ELP2: variants seen among roughly 807,000 people sequenced by gnomAD.
ELP2 encodes elongator acetyltransferase complex subunit 2, also known as elongator complex protein 2.
ELP2 carries 90 observed loss-of-function variants against 119.2 expected under a neutral mutation model. That is an observed-to-expected ratio of 0.75 (90% confidence interval 0.64 to 0.90). ELP2 has a LOEUF of 0.90. Ranked by LOEUF, ELP2 falls within the 40% of genes least tolerant of loss-of-function variation. ELP2 has a pLI of 0.00. For missense variants in ELP2, 921 were observed against 967.8 expected, an observed-to-expected ratio of 0.95 and a Z score of 0.64; for synonymous variants, 339 against 331.0, an observed-to-expected ratio of 1.02 and a Z score of -0.26.
intron 7 of ELP2, 51 bp downstream of exon 7, chr18:36,142,398 A>G (rs2090062837): frequency 7.0e-7 from 1 of 1,423,344 alleles, no homozygotes; most frequent in African/African-American, 1.4e-5. Flanking sequence ...AATATGTGTT[A>G]CTTCCAAGAA....
chr18:36,136,579 T>A lies in ELP2; in HGVS notation c.288+202T>A, dbSNP rs1347176358. ...GTTTGTTTGTTTGTTTTTGTAGAGA[T>A]GGGGTCTTACTTTGTTGCCCAGGCT... On this transcript the variant is annotated intron_variant, in intron 3 of 21. Coordinates refer to ENST00000358232, the MANE Select transcript of ELP2 (RefSeq NM_018255.4). 5.1e-6 allele frequency: 3 copies of A among 583,154 alleles called. No homozygotes were observed. In the African/African-American group the frequency reaches 5.6e-5, roughly 11 times the overall value. The allele number at this position is 583,154 out of a possible 1,614,324, so 36.1% of individuals were successfully genotyped here. A position where few individuals can be genotyped will look rare whatever the true frequency, so the allele number is the denominator to read the frequency against.
At chr18:36,142,077 A>T (rs986194265) in intron 6 of ELP2, among the ~76,000 whole-genome samples, 1 of 152,174 alleles carries the variant, frequency 6.6e-6, no homozygotes, top group Non-Finnish European at 1.5e-5. Flanking sequence ...ATATTATATT[A>T]TCTACTCAGA....
chr18:36,147,754 G>A (rs1389290628), intron 11 of ELP2, among the ~76,000 whole-genome samples: 1 of 152,148 alleles, frequency 6.6e-6, no homozygotes, highest in African/African-American at 2.4e-5. Context: ...GCTTAAATGA[G>A]TTAACATTTA....
chr18:36,130,678 T>C lies in ELP2; in HGVS notation c.138+607T>C, dbSNP rs78808602. 6.6e-3 allele frequency among the ~76,000 whole-genome samples: 998 copies of C among 152,336 alleles called. 17 individuals are homozygous for C. Among genetic ancestry groups the C allele is most frequent in the African/African-American group, 0.023 (944 of 41,560 alleles). ...TTTTCTTGGTGCTTTCCTCACCATA[T>C]TTCTCAAGTGAATAGTTTTTGCATG... On this transcript the variant is annotated intron_variant, in intron 1 of 21. Coordinates refer to ENST00000358232, the MANE Select transcript of ELP2 (RefSeq NM_018255.4).
Position 36,154,935 on chromosome 18 carries a change from T to A in ELP2, c.1211T>A (p.Ile404Asn). 6.2e-7 allele frequency: 1 copy of A among 1,614,054 alleles called. No individual in the cohort carries two copies. ...LVWDPEGEFIITVGTDQTTRL... is the reference protein window; with the variant it reads ...LVWDPEGEFINTVGTDQTTRL... ...TGGGATCCAGAAGGAGAATTTATTATCACTGTTGGTACTGATCAGACAACT... is the reference window on the plus strand; with the variant it reads ...TGGGATCCAGAAGGAGAATTTATTAACACTGTTGGTACTGATCAGACAACT... Residue 404 changes from isoleucine (I) to asparagine (N), a missense_variant, in exon 12 of 22, where the codon ATC (isoleucine) becomes AAC (asparagine). Coordinates refer to ENST00000358232, the MANE Select transcript of ELP2 (RefSeq NM_018255.4).
rs894850798 is a variant in ELP2, at chr18:36,177,142, G to T, written c.*2501G>T. ...AAATACATAAAAAATATGATGGGTG[G>T]AGTGACGGACACATGGACAGATATG... On this transcript the variant is annotated 3_prime_UTR_variant, in exon 22 of 22. Transcript: ENST00000358232. 1.3e-5 allele frequency: 2 copies of T among 152,090 alleles called. No homozygotes were observed. Among genetic ancestry groups the T allele is most frequent in the Non-Finnish European group, 2.9e-5 (2 of 68,018 alleles). 9.4% of individuals were successfully genotyped at this position (152,090 alleles called of 1,614,324 possible). A position where few individuals can be genotyped will look rare whatever the true frequency, so the allele number is the denominator to read the frequency against.
chr18:36,174,794 T>C lies in ELP2; in HGVS notation c.*153T>C, dbSNP rs1359236554. ...TTGTCACAACCTCCACCTCCCAGGT[T>C]CAAGCGATTCTCTTTCTTCAGCCTC... is the stretch of plus-strand genomic sequence containing the variant. On this transcript the variant is annotated 3_prime_UTR_variant, in exon 22 of 22. Coordinates refer to ENST00000358232, the MANE Select transcript of ELP2 (RefSeq NM_018255.4). 1 of 687,984 alleles carries C rather than the reference T, an allele frequency of 1.5e-6. No homozygotes were observed. Among genetic ancestry groups the C allele is most frequent in the African/African-American group, 1.8e-5 (1 of 55,370 alleles). The allele number at this position is 687,984 out of a possible 1,614,324, so 42.6% of individuals were successfully genotyped here.
Position 36,163,388 on chromosome 18 carries a change from T to TA in ELP2, c.1762-1086dup, listed in dbSNP as rs754511222. 3.9e-4 allele frequency among the ~76,000 whole-genome samples: 60 copies of TA among 152,110 alleles called. 1 individual carries two copies. The Middle Eastern group carries it at 0.034, about 86-fold the overall frequency. ...TGGATACAACTTTATCACATGTGCTTATGTAGATATTTTTTCTCAGTGGCT... is the reference window on the plus strand; with the variant it reads ...TGGATACAACTTTATCACATGTGCTTAATGTAGATATTTTTTCTCAGTGGCT... On this transcript the variant is annotated intron_variant, in intron 17 of 21. Transcript: ENST00000358232.
chr18:36,145,197 A>C (rs1045885802), intron 9 of ELP2, 163 bp downstream of exon 9: 11 of 649,750 alleles, frequency 1.7e-5, no homozygotes, highest in South Asian at 4.9e-5. Flanking sequence ...TCTGCTGGAC[A>C]CTCAGTTCCA....
At chr18:36,156,343 C>A in intron 12 of ELP2, 123 bp from the exon 13 acceptor site, 2 of 954,240 alleles carry the variant, frequency 2.1e-6, no homozygotes, top group Non-Finnish European at 3.3e-6. Context: ...GTGGTTTATT[C>A]ATGGATGAAT....
At position 36,177,802 on chromosome 18, in the gene ELP2, A is replaced by C. The variant is rs753194412; in HGVS notation, c.*3161A>C. ...GGTGTTCTTTATTGCAGGAATTCTAAGAGCATTTAACAAATTAATTTACAC... is the reference window on the plus strand; with the variant it reads ...GGTGTTCTTTATTGCAGGAATTCTACGAGCATTTAACAAATTAATTTACAC... On this transcript the variant is annotated 3_prime_UTR_variant, in exon 22 of 22. Coordinates refer to ENST00000358232, the MANE Select transcript of ELP2 (RefSeq NM_018255.4). 6.6e-6 allele frequency: 1 copy of C among 152,212 alleles called. No homozygotes were observed. Among genetic ancestry groups the C allele is most frequent in the Non-Finnish European group, 1.5e-5 (1 of 68,032 alleles). The allele number at this position is 152,212 out of a possible 1,614,324, so 9.4% of individuals were successfully genotyped here.
At position 36,179,948 on chromosome 18, in the gene ELP2, G is replaced by A. The variant is rs2091300131; in HGVS notation, c.*5307G>A. ...CTCTAAAAGTGGAGATGAGATTAGT[G>A]TATGAGTCTGGCTTCCATTCAACTG... is the stretch of plus-strand genomic sequence containing the variant. On this transcript the variant is annotated 3_prime_UTR_variant, in exon 22 of 22. Transcript: ENST00000358232. 6.6e-6 allele frequency: 1 copy of A among 152,154 alleles called. No individual in the cohort carries two copies. 9.4% of individuals were successfully genotyped at this position (152,154 alleles called of 1,614,324 possible). A position where few individuals can be genotyped will look rare whatever the true frequency, so the allele number is the denominator to read the frequency against.
At chr18:36,160,529 G>C (rs1395783593) in intron 16 of ELP2, among the ~76,000 whole-genome samples, 1 of 150,162 alleles carries the variant, frequency 6.7e-6, no homozygotes, top group African/African-American at 2.5e-5. Context: ...AGTGAGCCAT[G>C]ATTGCACCAC....
chr18:36,142,601 TTAG>T (rs2090067900), intron 7 of ELP2, among the ~76,000 whole-genome samples: 2 of 152,194 alleles, frequency 1.3e-5, no homozygotes, highest in Admixed American at 6.5e-5. Context: ...TTTGTAGAAC[TTAG>T]TAGACTATAT....
chr18:36,136,325 T>C lies in ELP2; in HGVS notation c.236T>C (p.Val79Ala). The change falls in exon 3 of 22, where the codon GTT becomes GCT. Residue 79 changes from valine to alanine, a missense_variant. Physicochemically the swap from Val to Ala is moderately conservative, Grantham distance 64. Transcript: ENST00000358232. ...TTTTCAGCCCCTTCTACTGAATTAGTTTCTGGAGGATCTGATAATCAAGTG... is the reference window on the plus strand; with the variant it reads ...TTTTCAGCCCCTTCTACTGAATTAGCTTCTGGAGGATCTGATAATCAAGTG... Reference protein sequence around the residue: ...KQDGSPSTELVSGGSDNQVIH... With the variant: ...KQDGSPSTELASGGSDNQVIH... The C allele has an allele frequency of 1.2e-6, 2 of 1,611,552 alleles. No homozygotes were observed. The highest frequency in any genetic ancestry group is 1.7e-6 in the Non-Finnish European group (2 of 1,177,662).
At chr18:36,170,288 CTCTGAGTTA>C in intron 20 of ELP2, 92 bp downstream of exon 20, 2 of 1,471,356 alleles carry the variant, frequency 1.4e-6, no homozygotes, top group South Asian at 1.2e-5. Flanking sequence ...TTCTCCTAGC[CTCTGAGTTA>C]CTGTCTTTTT....
chr18:36,142,210 C>T, intron 6 of ELP2, 71 bp from the exon 7 acceptor site: 1 of 1,257,154 alleles, frequency 8.0e-7, no homozygotes, highest in Non-Finnish European at 1.2e-6. Flanking sequence ...TGTCTGAGAC[C>T]AAATGATGTC....
In ELP2 at chr18:36,175,703, T is replaced by TTGGGAGCC. The variant is rs1449277992; in HGVS notation, c.*1067_*1074dup. On this transcript the variant is annotated 3_prime_UTR_variant, in exon 22 of 22. Coordinates refer to ENST00000358232, the MANE Select transcript of ELP2 (RefSeq NM_018255.4). ...TGAGGGCTGGAGGCAGCCAGGAGAG[T>TTGGGAGCC]TGGGAGCCTGGGTGCTGGGTGGAGA... 6.6e-6 allele frequency: 1 copy of TTGGGAGCC among 152,030 alleles called. No individual in the cohort carries two copies. The highest frequency in any genetic ancestry group is 2.4e-5 in the African/African-American group (1 of 41,274). 9.4% of individuals were successfully genotyped at this position (152,030 alleles called of 1,614,324 possible). A position where few individuals can be genotyped will look rare whatever the true frequency, so the allele number is the denominator to read the frequency against.
At position 36,167,149 on chromosome 18, in the gene ELP2, A is replaced by G. The variant is rs2090932752; in HGVS notation, c.2003A>G (p.His668Arg). ...FAFTNKITSV[H>R]SRIIWSCDWS... ...TTCACCAACAAAATTACTTCTGTGC[A>G]CAGTAGAATTATTTGGTCTTGTGAT... The change falls in exon 19 of 22, where the codon CAC (histidine) becomes CGC (arginine). Residue 668 changes from histidine (H) to arginine (R), a missense_variant. Coordinates refer to ENST00000358232, the MANE Select transcript of ELP2 (RefSeq NM_018255.4). The G allele has an allele frequency of 6.2e-7, 1 of 1,602,084 alleles. No homozygotes were observed. Among genetic ancestry groups the G allele is most frequent in the African/African-American group, 1.3e-5 (1 of 74,798 alleles).
Sources: gnomAD v4.1 joint callset for allele counts (sites outside exome capture counted in the v4.1 genomes callset) on GRCh38, gnomAD v4.1.1 for gene constraint, MANE v1.5 for transcripts, NCBI Gene and HGNC (gene_info 2026-07-23, HGNC 2026-07-21) for gene names.